The following MET variants were observed in gnomAD, a reference collection of about 807,000 sequenced individuals.
The protein encoded by MET is hepatocyte growth factor receptor.
A neutral mutation model predicts 133.1 loss-of-function variants in MET; 48 were observed. That is an observed-to-expected ratio of 0.36 (90% CI 0.29 to 0.46). MET has a LOEUF of 0.46. Ranked by LOEUF, MET falls within the 20% of genes least tolerant of loss-of-function variation. The probability of loss-of-function intolerance (pLI) is 1.00; values close to 1 mark genes in which losing one functional copy is unlikely to be tolerated. For missense variants in MET, 1,442 were observed against 1,695.9 expected, an observed-to-expected ratio of 0.85 and a Z score of 2.63; for synonymous variants, 628 against 616.5, an observed-to-expected ratio of 1.02 and a Z score of -0.28.
chr7:116,748,159 G>C (rs1021827033), intron 5 of MET, among the ~76,000 whole-genome samples: 56 of 152,326 alleles, frequency 3.7e-4, no homozygotes, highest in Admixed American at 2.0e-3. Context: ...CAGGAGAATG[G>C]TGTGAACCCA....
chr7:116,758,603 A>C lies in MET; in HGVS notation c.2247A>C (p.Pro749=). Residue 749 remains proline (P), a synonymous_variant, in exon 9 of 21, where the codon CCA becomes CCC. Coordinates refer to ENST00000397752, the MANE Select transcript of MET (RefSeq NM_000245.4). Reference sequence around the variant, plus strand: ...ATCCCATTGTCTATGAAATTCATCCAACCAAATCTTTTATTAGGTAAGTAG... The same window carrying C: ...ATCCCATTGTCTATGAAATTCATCCCACCAAATCTTTTATTAGGTAAGTAG... ...REDPIVYEIH[P]TKSFISGGST... is the part of the protein sequence containing the mutation. 1 of 1,613,802 alleles carries C rather than the reference A, an allele frequency of 6.2e-7. No homozygotes were observed. The highest frequency in any genetic ancestry group is 8.5e-7 in the Non-Finnish European group (1 of 1,179,846).
At chr7:116,745,171 C>T (rs1047795499) in intron 5 of MET, among the ~76,000 whole-genome samples, 24 of 152,134 alleles carry the variant, frequency 1.6e-4, no homozygotes, top group Non-Finnish European at 2.6e-4. Context: ...AGTGAACTCC[C>T]ATTCACAATT....
At chr7:116,739,858 T>G (rs1793374549) in intron 3 of MET, 92 bp from the exon 4 acceptor site, 3 of 1,569,020 alleles carry the variant, frequency 1.9e-6, no homozygotes, top group Non-Finnish European at 2.6e-6. Context: ...CAAGCCCTGC[T>G]AATCTGTTAT....
chr7:116,714,944 A>C (rs1318656483), intron 2 of MET, among the ~76,000 whole-genome samples: 1 of 152,204 alleles, frequency 6.6e-6, no homozygotes, highest in Non-Finnish European at 1.5e-5. Flanking sequence ...TATGAACTTA[A>C]GTAATTCTCT....
chr7:116,778,471 G>T (rs1432597172), intron 16 of MET, among the ~76,000 whole-genome samples: 1 of 152,208 alleles, frequency 6.6e-6, no homozygotes, highest in Non-Finnish European at 1.5e-5. Flanking sequence ...GTCTGACCAT[G>T]AGGGAAATAA....
At chr7:116,738,000 G>A (rs994916914) in intron 3 of MET, among the ~76,000 whole-genome samples, 1 of 152,108 alleles carries the variant, frequency 6.6e-6, no homozygotes, top group African/African-American at 2.4e-5. Context: ...AGGAAACCAG[G>A]GAGACAGACA....
intron 2 of MET, among the ~76,000 whole-genome samples, chr7:116,727,681 C>T (rs1364984780): frequency 6.6e-6 from 1 of 152,158 alleles, no homozygotes; most frequent in African/African-American, 2.4e-5. Flanking sequence ...GAGGGAAGCA[C>T]AGGTAGCAAG....
At chr7:116,775,810 C>T (rs1279834765) in intron 15 of MET, among the ~76,000 whole-genome samples, 1 of 152,190 alleles carries the variant, frequency 6.6e-6, no homozygotes, top group African/African-American at 2.4e-5. Context: ...CAGTGACAAA[C>T]TCTATGAAGC....
rs754198809 is a variant in MET, at chr7:116,741,072, T to G, written c.1701+47T>G. ...CATACATGTTTTTGTTTGGTGTTTT[T>G]TTTTTTTTTTTGGTTTGGTTTGGTT... On this transcript the variant is annotated intron_variant, in intron 5 of 20. Coordinates refer to ENST00000397752, the MANE Select transcript of MET (RefSeq NM_000245.4). The G allele has an allele frequency of 3.0e-5, 48 of 1,603,312 alleles. No homozygotes were observed. In the South Asian group the frequency reaches 3.3e-4, roughly 11 times the overall value.
intron 14 of MET, among the ~76,000 whole-genome samples, chr7:116,773,663 T>G (rs915238202): frequency 6.6e-6 from 1 of 152,190 alleles, no homozygotes; most frequent in Non-Finnish European, 1.5e-5. Flanking sequence ...TCACCCAACA[T>G]TTCAGGTACT....
intron 2 of MET, among the ~76,000 whole-genome samples, chr7:116,716,284 G>GAAGA (rs1792190197): frequency 2.6e-5 from 1 of 38,022 alleles, no homozygotes; most frequent in Non-Finnish European, 4.8e-5. Context: ...AGGGAGAGAG[G>GAAGA]GAGAGAGAGA....
At chr7:116,716,336 AGAAAAGAAACG>A (rs1792204811) in intron 2 of MET, among the ~76,000 whole-genome samples, 1 of 132,062 alleles carries the variant, frequency 7.6e-6, no homozygotes, top group African/African-American at 3.0e-5. Context: ...AGAGAGAGAG[AGAAAAGAAACG>A]GAGAGAGAGG....
At position 116,775,194 on chromosome 7, in the gene MET, G is replaced by A. The variant is rs541163928; in HGVS notation, c.3259+83G>A. The A allele has an allele frequency of 1.1e-4, 143 of 1,291,476 alleles. 4 individuals carry two copies. The South Asian group carries it at 1.6e-3, about 14-fold the overall frequency. 80.0% of individuals were successfully genotyped at this position (1,291,476 alleles called of 1,614,324 possible). On this transcript the variant is annotated intron_variant, in intron 15 of 20. Transcript: ENST00000397752. ...TTGGCCTTTGCAGATTAGGAACTTA[G>A]ACAATGGTGAAAGCAACTGACAGAG...
chr7:116,784,101 T>C (rs1233802560), intron 19 of MET, among the ~76,000 whole-genome samples: 2 of 152,276 alleles, frequency 1.3e-5, no homozygotes, highest in East Asian at 3.9e-4. Flanking sequence ...GTTGGGCAGC[T>C]GGGCAATGGA....
Position 116,745,118 on chromosome 7 carries a change from A to G in MET, c.1701+4093A>G, listed in dbSNP as rs566328036. ...AATTCAATGTGCAAAAATCACAAGC[A>G]TTTTTATACACCAATAACAGACAAA... On this transcript the variant is annotated intron_variant, in intron 5 of 20. Transcript: ENST00000397752. Among the ~76,000 whole-genome samples, 3 of 152,320 alleles carry G rather than the reference A, an allele frequency of 2.0e-5. No individual in the cohort carries two copies. In the East Asian group the frequency reaches 5.8e-4, roughly 29 times the overall value.
rs1794834628 is a variant in MET, at chr7:116,771,573, G to C, written c.2806G>C (p.Ala936Pro). ...AGATCAGAATTTCACAGGATTGATT[G>C]CTGGTGTTGTCTCAATATCAACAGC... The part of the protein sequence containing the change: ...QPDQNFTGLI[A>P]GVVSISTALL... Residue 936 changes from alanine to proline, a missense_variant, in exon 13 of 21, where the codon GCT becomes CCT. Transcript: ENST00000397752. The C allele has an allele frequency of 6.2e-7, 1 of 1,613,872 alleles. No individual in the cohort carries two copies. The highest frequency in any genetic ancestry group is 8.5e-7 in the Non-Finnish European group (1 of 1,179,806).
chr7:116,777,065 G>A (rs904899025), intron 15 of MET, among the ~76,000 whole-genome samples: 5 of 152,084 alleles, frequency 3.3e-5, no homozygotes, highest in East Asian at 1.9e-4. Flanking sequence ...TGATGAGGCC[G>A]ATGTTACTCA....
At chr7:116,777,334 A>G in intron 15 of MET, 55 bp from the exon 16 acceptor site, 1 of 1,393,662 alleles carries the variant, frequency 7.2e-7, no homozygotes, top group Non-Finnish European at 1.0e-6. Flanking sequence ...TTGATAAATA[A>G]TTATTTCATA....
chr7:116,717,999 C>T (rs1389557371), intron 2 of MET, among the ~76,000 whole-genome samples: 1 of 152,108 alleles, frequency 6.6e-6, no homozygotes, highest in African/African-American at 2.4e-5. Flanking sequence ...CACATCAAGG[C>T]TTACAAATTG....
Sources: allele counts gnomAD v4.1 joint callset (sites outside exome capture counted in the v4.1 genomes callset), GRCh38; gene constraint gnomAD v4.1.1; transcripts MANE v1.5; gene names NCBI Gene and HGNC (gene_info 2026-07-23, HGNC 2026-07-21).